PCDHGA12: variants seen among roughly 807,000 people sequenced by gnomAD.
The protein encoded by PCDHGA12 is protocadherin gamma-A12.
PCDHGA12 carries 43 observed loss-of-function variants against 61.1 expected under a neutral mutation model. The observed-to-expected ratio is 0.70, with a 90% CI of 0.55 to 0.91. The LOEUF (loss-of-function observed/expected upper bound fraction) is 0.91, where lower values mean the gene tolerates loss of function less well. Among genes scored for constraint, PCDHGA12 ranks in the 40% least tolerant of loss-of-function variants. PCDHGA12 has a pLI of 0.00. For missense variants in PCDHGA12, 1,236 were observed against 1,227.7 expected (o/e 1.01, Z -0.10); for synonymous variants, 520 against 542.9 (o/e 0.96, Z 0.59).
intron 2 of PCDHGA12, among the ~76,000 whole-genome samples, chr5:141,495,922 C>G (rs1263216717): frequency 6.6e-6 from 1 of 152,100 alleles, no homozygotes; most frequent in Non-Finnish European, 1.5e-5. Context: ...CTTTCTTTGT[C>G]TCTGTCTCTG....
rs2099735960 is a variant in PCDHGA12 at position 141,491,997 on chromosome 5, G to A, written c.2425-2810G>A. On this transcript the variant is annotated intron_variant, in intron 1 of 3. Transcript: ENST00000252085. The surrounding 1 kb of genome is among the most constrained non-coding windows in gnomAD (Gnocchi z 6.9). ...CCTTCGAGCTTCCGGTGAATTTCGG[G>A]CGATTTCCGCGGGTGTCGGGGGTCC... The A allele has an allele frequency of 1.5e-6, 1 of 671,074 alleles. No homozygotes were observed. The allele number at this position is 671,074 out of a possible 1,614,324, so 41.6% of individuals were successfully genotyped here.
Position 141,477,710 on chromosome 5 carries a change from G to A in PCDHGA12, c.2425-17097G>A, listed in dbSNP as rs747156156. ...GCCCCTAGACTATGAGGATCGGCGG[G>A]AATTTGAATTAACAGCTCATATCAG... On this transcript the variant is annotated intron_variant, in intron 1 of 3. Transcript: ENST00000252085. This position sits in a 1 kb window ranked among gnomAD's most constrained non-coding sequence, Gnocchi z 4.9. 2.5e-6 allele frequency: 4 copies of A among 1,613,918 alleles called. No homozygotes were observed. Among genetic ancestry groups the A allele is most frequent in the Middle Eastern group, 3.3e-4 (2 of 6,062 alleles).
At chr5:141,467,649 T>C (rs2099147987) in intron 1 of PCDHGA12, among the ~76,000 whole-genome samples, 1 of 152,146 alleles carries the variant, frequency 6.6e-6, no homozygotes, top group Non-Finnish European at 1.5e-5. Flanking sequence ...TGTACCAAAC[T>C]TCTATAGTGC....
Position 141,486,793 on chromosome 5 carries a change from G to C in PCDHGA12, c.2425-8014G>C. ...AGTTTGAGGTGCAGGCCCGGGATCG[G>C]GGCAACCCACCCCTTAGCAGCACTG... is the stretch of plus-strand genomic sequence containing the variant. On this transcript the variant is annotated intron_variant, in intron 1 of 3. Transcript: ENST00000252085. This position sits in a 1 kb window ranked among gnomAD's most constrained non-coding sequence, Gnocchi z 5.0. 6.2e-7 allele frequency: 1 copy of C among 1,614,244 alleles called. No homozygotes were observed. Among genetic ancestry groups the C allele is most frequent in the Non-Finnish European group, 8.5e-7 (1 of 1,180,050 alleles).
intron 1 of PCDHGA12, among the ~76,000 whole-genome samples, chr5:141,464,964 A>G (rs1433148254): frequency 6.6e-6 from 1 of 152,030 alleles, no homozygotes; most frequent in Non-Finnish European, 1.5e-5. Flanking sequence ...CTTGTCTTGA[A>G]CTACTGGCTT....
chr5:141,431,921 G>A lies in PCDHGA12; in HGVS notation c.1162G>A (p.Gly388Arg). The A allele has an allele frequency of 1.9e-6, 3 of 1,614,142 alleles. No homozygotes were observed. Among genetic ancestry groups the A allele is most frequent in the South Asian group, 2.2e-5 (2 of 91,084 alleles). The change falls in exon 1 of 4, where the codon GGA becomes AGA. Residue 388 changes from glycine (G) to arginine (R), a missense_variant. Gly to Arg is a moderately radical substitution (Grantham distance 125). Transcript: ENST00000252085. The surrounding 1 kb of genome is among the most constrained non-coding windows in gnomAD (Gnocchi z 4.8). ...CGGACAGGTGATCTGTTTCATCCAA[G>A]GAAATCTGCCCTTTAAATTAGAAAA... ...ENGQVICFIQ[G>R]NLPFKLEKSY...
intron 1 of PCDHGA12, chr5:141,478,583 C>G: frequency 6.3e-7 from 1 of 1,578,146 alleles, no homozygotes; most frequent in Non-Finnish European, 8.6e-7. Context: ...CCTGTTAGTG[C>G]TTTTTTATTC....
In PCDHGA12 at chr5:141,476,210, G is replaced by A; in HGVS notation, c.2425-18597G>A. ...TGGTGCCTTGAACAAGGCTTCCACG[G>A]TCATTCACTATGAGATCCCGGAGGA... is the stretch of plus-strand genomic sequence containing the variant. On this transcript the variant is annotated intron_variant, in intron 1 of 3. Coordinates refer to ENST00000252085, the MANE Select transcript of PCDHGA12 (RefSeq NM_003735.3). The surrounding 1 kb of genome is among the most constrained non-coding windows in gnomAD (Gnocchi z 7.6). 6.2e-7 allele frequency: 1 copy of A among 1,614,012 alleles called. No individual in the cohort carries two copies. Among genetic ancestry groups the A allele is most frequent in the Non-Finnish European group, 8.5e-7 (1 of 1,180,012 alleles).
rs117064561 is a variant in PCDHGA12, at chr5:141,470,737, G to T, written c.2425-24070G>T. Among the ~76,000 whole-genome samples the T allele has an allele frequency of 1.9e-3, 295 of 152,132 alleles. 7 individuals carry two copies. In the East Asian group the frequency reaches 0.046, roughly 24 times the overall value. On this transcript the variant is annotated intron_variant, in intron 1 of 3. Coordinates refer to ENST00000252085, the MANE Select transcript of PCDHGA12 (RefSeq NM_003735.3). ...TTTTGAGTCAGGGTCTTGCTCTGTC[G>T]CCCTGGCTGGAGTGCAGTGGACTCA...
At chr5:141,488,525 G>A (rs1040463796) in intron 1 of PCDHGA12, among the ~76,000 whole-genome samples, 1 of 152,182 alleles carries the variant, frequency 6.6e-6, no homozygotes, top group African/African-American at 2.4e-5. Flanking sequence ...TGGGGTGTCA[G>A]AAAAGCTAAG....
rs748660721 is a variant in PCDHGA12 at position 141,485,346 on chromosome 5, G to A, written c.2425-9461G>A. The A allele has an allele frequency of 1.2e-6, 2 of 1,614,178 alleles. No individual in the cohort carries two copies. Among genetic ancestry groups the A allele is most frequent in the South Asian group, 2.2e-5 (2 of 91,088 alleles). ...CAAGATTTCCTGCTGGATACGGACA[G>A]TCTGTCAGCTCGCAGGCTGCAGGTC... On this transcript the variant is annotated intron_variant, in intron 1 of 3. Transcript: ENST00000252085. This position sits in a 1 kb window ranked among gnomAD's most constrained non-coding sequence, Gnocchi z 5.7.
intron 1 of PCDHGA12, among the ~76,000 whole-genome samples, chr5:141,444,497 C>G (rs899746599): frequency 3.3e-5 from 5 of 152,026 alleles, no homozygotes; most frequent in African/African-American, 1.2e-4. Context: ...TTGTGTAATA[C>G]TTTGCTCTAG....
chr5:141,453,021 A>G (rs1008711775), intron 1 of PCDHGA12, among the ~76,000 whole-genome samples: 1 of 152,200 alleles, frequency 6.6e-6, no homozygotes, highest in Non-Finnish European at 1.5e-5. Context: ...TATGTGATTC[A>G]TTAAAATAAA....
Position 141,485,274 on chromosome 5 carries a change from C to G in PCDHGA12, c.2425-9533C>G. 2 of 1,614,106 alleles carry G rather than the reference C, an allele frequency of 1.2e-6. No homozygotes were observed. Among genetic ancestry groups the G allele is most frequent in the Non-Finnish European group, 1.7e-6 (2 of 1,179,964 alleles). On this transcript the variant is annotated intron_variant, in intron 1 of 3. Transcript: ENST00000252085. The surrounding 1 kb of genome is among the most constrained non-coding windows in gnomAD (Gnocchi z 5.7). ...TACGTTTGTGGGCAGATCCGCTACC[C>G]GGTCCCAGAGGAGTCACAGGAAGGG...
intron 1 of PCDHGA12, among the ~76,000 whole-genome samples, chr5:141,481,710 T>C (rs1447483213): frequency 6.6e-6 from 1 of 151,556 alleles, no homozygotes; most frequent in Non-Finnish European, 1.5e-5. Context: ...TCCCAGCACT[T>C]TGGGAGGCGG....
chr5:141,446,928 C>T (rs988582410), intron 1 of PCDHGA12, among the ~76,000 whole-genome samples: 14 of 152,132 alleles, frequency 9.2e-5, no homozygotes, highest in Non-Finnish European at 1.6e-4. Context: ...TTCCTGATCT[C>T]TTTTTCACTG....
At chr5:141,496,844 T>G (rs1275272674) in intron 2 of PCDHGA12, among the ~76,000 whole-genome samples, 2 of 150,852 alleles carry the variant, frequency 1.3e-5, no homozygotes, top group Non-Finnish European at 2.9e-5. Context: ...CTCATAGGCT[T>G]CCAGACCAGC....
chr5:141,432,172 CGTCTCTGTGACCGCCCACGACCCCGA>C lies in PCDHGA12; in HGVS notation c.1414_1439del (p.Val472LeufsTer2). 6.2e-7 allele frequency: 1 copy of C among 1,614,152 alleles called. No individual in the cohort carries two copies. Among genetic ancestry groups the C allele is most frequent in the Non-Finnish European group, 8.5e-7 (1 of 1,180,038 alleles). ...AGAACAATCCCAGAGGAGTTTCCCT[CGTCTCTGTGACCGCCCACGACCCCGA>C]CTGTGAAGAGAACGCCCAGATCACT... On this transcript the variant is annotated frameshift_variant, in exon 1 of 4. Transcript: ENST00000252085. LOFTEE classifies it high-confidence loss of function. The surrounding 1 kb of genome is among the most constrained non-coding windows in gnomAD (Gnocchi z 6.0).
At position 141,491,099 on chromosome 5, in the gene PCDHGA12, T is replaced by C. The variant is rs1352561414; in HGVS notation, c.2425-3708T>C. 1 of 1,614,176 alleles carries C rather than the reference T, an allele frequency of 6.2e-7. No homozygotes were observed. ...CAGTCCACAGCCCCAGGACTGTTCC[T>C]CGTGTCTACACACACTGGTGAGGTG... On this transcript the variant is annotated intron_variant, in intron 1 of 3. Coordinates refer to ENST00000252085, the MANE Select transcript of PCDHGA12 (RefSeq NM_003735.3). The surrounding 1 kb of genome is among the most constrained non-coding windows in gnomAD (Gnocchi z 6.9).
Sources: gnomAD v4.1 joint callset for allele counts (sites outside exome capture counted in the v4.1 genomes callset) on GRCh38, gnomAD v4.1.1 for gene constraint, Gnocchi (gnomAD v3.1) non-coding constraint, MANE v1.5 for transcripts, NCBI Gene and HGNC (gene_info 2026-07-23, HGNC 2026-07-21) for gene names.